HIPK1: variants seen among roughly 807,000 people sequenced by gnomAD.
HIPK1 encodes homeodomain-interacting protein kinase 1.
Under a neutral mutation model 117.1 loss-of-function variants are expected in HIPK1, and 28 were observed. That is an observed-to-expected ratio of 0.24 (90% CI 0.18 to 0.33). The LOEUF is 0.33. HIPK1 is among the 10% of genes least tolerant of loss of function. The pLI, the probability that HIPK1 is intolerant of heterozygous loss-of-function variation, is 1.00. For synonymous variants in HIPK1, 605 were observed against 562.5 expected (o/e 1.08, Z -1.07); for missense variants, 1,122 against 1,475.1 (o/e 0.76, Z 3.92).
At chr1:113,946,070 C>T (rs1020811314) in intron 2 of HIPK1, among the ~76,000 whole-genome samples, 5 of 152,062 alleles carry the variant, frequency 3.3e-5, no homozygotes, top group African/African-American at 1.2e-4. Flanking sequence ...TTTTATGCTG[C>T]CCTAGGCAAC....
intron 9 of HIPK1, among the ~76,000 whole-genome samples, 170 bp from the exon 10 acceptor site, chr1:113,963,217 C>T (rs1672236365): frequency 6.6e-6 from 1 of 152,158 alleles, no homozygotes; most frequent in Non-Finnish European, 1.5e-5. Context: ...ACTTTGTGGG[C>T]CAATGCCATA....
At chr1:113,935,084 C>A (rs1426055912) in intron 1 of HIPK1, among the ~76,000 whole-genome samples, 1 of 147,832 alleles carries the variant, frequency 6.8e-6, no homozygotes, top group Admixed American at 6.8e-5. Flanking sequence ...TATAGGTAAT[C>A]TATATGTCAC....
At chr1:113,936,630 A>T (rs1221012994) in intron 1 of HIPK1, among the ~76,000 whole-genome samples, 1 of 152,176 alleles carries the variant, frequency 6.6e-6, no homozygotes, top group African/African-American at 2.4e-5. Flanking sequence ...ACGCCCAGCT[A>T]ATTTTTGTAT....
In HIPK1 at chr1:113,972,085, A is replaced by G. The variant is rs143644350; in HGVS notation, c.3144+131A>G. On this transcript the variant is annotated intron_variant, in intron 15 of 15. Transcript: ENST00000426820. Reference sequence around the variant, plus strand: ...TTTGTGTCAAACAATTTTGTGTTCTATGGCTTACGTCGTACCGCATATGCT... The same window carrying G: ...TTTGTGTCAAACAATTTTGTGTTCTGTGGCTTACGTCGTACCGCATATGCT... The G allele has an allele frequency of 1.0e-4, 168 of 1,608,936 alleles. 1 individual carries two copies. In the East Asian group the frequency reaches 2.5e-3, roughly 24 times the overall value.
intron 2 of HIPK1, among the ~76,000 whole-genome samples, chr1:113,950,841 G>A (rs1225657943): frequency 5.9e-5 from 9 of 152,150 alleles, no homozygotes; most frequent in African/African-American, 2.2e-4. Context: ...CCTTGGGCAA[G>A]TTACTTTAAC....
intron 1 of HIPK1, 70 bp downstream of exon 1, chr1:113,929,602 G>T: frequency 3.4e-6 from 4 of 1,160,550 alleles, no homozygotes; most frequent in Non-Finnish European, 4.6e-6. Context: ...AGGGACGGCC[G>T]CTCGGCATTC....
chr1:113,970,577 G>A (rs1025005054), intron 14 of HIPK1, among the ~76,000 whole-genome samples: 1 of 152,204 alleles, frequency 6.6e-6, no homozygotes, highest in African/African-American at 2.4e-5. Flanking sequence ...GACTGCAAAA[G>A]TGTTTTGGAA....
At chr1:113,951,074 T>TA (rs1168643279) in intron 2 of HIPK1, 1 of 229,538 alleles carries the variant, frequency 4.4e-6, no homozygotes, top group Non-Finnish European at 7.2e-6. Context: ...ATCATAATAA[T>TA]ACTTTGATAG....
chr1:113,961,458 T>C (rs903866113), intron 8 of HIPK1, among the ~76,000 whole-genome samples: 16 of 151,916 alleles, frequency 1.1e-4, no homozygotes, highest in Admixed American at 7.9e-4. Context: ...GGATAAAATA[T>C]ATGACTGATT....
chr1:113,971,634 G>A (rs1672829250), intron 14 of HIPK1, among the ~76,000 whole-genome samples, 190 bp from the exon 15 acceptor site: 2 of 152,152 alleles, frequency 1.3e-5, no homozygotes, highest in Non-Finnish European at 1.5e-5. Flanking sequence ...ACATTTTGAG[G>A]ATCCTATGTG....
At position 113,966,302 on chromosome 1, in the gene HIPK1, T is replaced by C. The variant is rs570098750; in HGVS notation, c.2381+30T>C. ...GTGTCCTGTGTTACTCTGGGAGATT[T>C]GTAAGGGCCGATCCCATAGGGTGGG... On this transcript the variant is annotated intron_variant, in intron 11 of 15. Transcript: ENST00000426820. The C allele has an allele frequency of 7.5e-6, 12 of 1,597,950 alleles. No homozygotes were observed. The East Asian group carries it at 2.3e-4, about 30-fold the overall frequency.
intron 4 of HIPK1, among the ~76,000 whole-genome samples, chr1:113,954,985 A>G (rs896047488): frequency 2.0e-5 from 3 of 152,232 alleles, no homozygotes; most frequent in African/African-American, 4.8e-5. Flanking sequence ...TATTTTGTAT[A>G]TGTTCAATCC....
At chr1:113,935,242 G>C (rs1483916757) in intron 1 of HIPK1, among the ~76,000 whole-genome samples, 1 of 151,948 alleles carries the variant, frequency 6.6e-6, no homozygotes, top group Non-Finnish European at 1.5e-5. Context: ...ATGTGTTCTC[G>C]TTCTTTAGCT....
intron 1 of HIPK1, chr1:113,929,839 C>T: frequency 2.0e-6 from 2 of 987,364 alleles, no homozygotes; most frequent in Non-Finnish European, 1.2e-6. Context: ...CCGGCTCGCG[C>T]GGGGGGTATG....
intron 8 of HIPK1, among the ~76,000 whole-genome samples, chr1:113,959,179 C>CT (rs560267574): frequency 6.6e-6 from 1 of 152,146 alleles, no homozygotes; most frequent in South Asian, 2.1e-4. Context: ...TCATATAACA[C>CT]TTTACATAGA....
rs994432595 is a variant in HIPK1, at chr1:113,964,015, A to C, written c.2238+494A>C. On this transcript the variant is annotated intron_variant, in intron 10 of 15. Coordinates refer to ENST00000426820, the MANE Select transcript of HIPK1 (RefSeq NM_198268.3). ...TTTTAAGGTTCTAAAACTTTTCTGC[A>C]TGTGGAAATGCTTAAGATGCTCTTA... Among the ~76,000 whole-genome samples, 4 of 152,200 alleles carry C rather than the reference A, an allele frequency of 2.6e-5. No individual in the cohort carries two copies. In the East Asian group the frequency reaches 7.7e-4, roughly 29 times the overall value.
In HIPK1 at chr1:113,971,411, C is replaced by A. The variant is rs541896664; in HGVS notation, c.3014-413C>A. Among the ~76,000 whole-genome samples, 16 of 152,306 alleles carry A rather than the reference C, an allele frequency of 1.1e-4. No homozygotes were observed. In the South Asian group the frequency reaches 3.3e-3, roughly 32 times the overall value. ...GTCCAACAAGATAGAATTTTGCCTTCTTTTAAACCCTCTTGCCACTTTAAT... is the reference window on the plus strand; with the variant it reads ...GTCCAACAAGATAGAATTTTGCCTTATTTTAAACCCTCTTGCCACTTTAAT... On this transcript the variant is annotated intron_variant, in intron 14 of 15. Coordinates refer to ENST00000426820, the MANE Select transcript of HIPK1 (RefSeq NM_198268.3).
chr1:113,963,017 CAG>C (rs1385463512), intron 9 of HIPK1, among the ~76,000 whole-genome samples: 3 of 152,104 alleles, frequency 2.0e-5, no homozygotes, highest in African/African-American at 7.2e-5. Context: ...TAGCAACAAA[CAG>C]TATATTTTAT....
At chr1:113,937,882 A>T (rs950075196) in intron 1 of HIPK1, among the ~76,000 whole-genome samples, 5 of 152,042 alleles carry the variant, frequency 3.3e-5, no homozygotes, top group African/African-American at 1.2e-4. Flanking sequence ...CAGTGTGGCT[A>T]GAGTGGGGGT....
Sources: gnomAD v4.1 joint callset for allele counts (sites outside exome capture counted in the v4.1 genomes callset) on GRCh38, gnomAD v4.1.1 for gene constraint, MANE v1.5 for transcripts, NCBI Gene and HGNC (gene_info 2026-07-23, HGNC 2026-07-21) for gene names.